Variants in PPARGC1A observed in about 807,000 individuals in gnomAD.
The protein encoded by PPARGC1A is PPARG coactivator 1 alpha.
PPARGC1A carries 25 observed loss-of-function variants against 88.7 expected under a neutral mutation model. The ratio of observed to expected loss-of-function variants is 0.28; its 90% CI spans 0.21 to 0.39. The LOEUF (loss-of-function observed/expected upper bound fraction) is 0.39, where lower values mean the gene tolerates loss of function less well. PPARGC1A is among the 10% of genes least tolerant of loss of function. PPARGC1A has a pLI of 1.00. For missense variants in PPARGC1A, 880 were observed against 968.7 expected (o/e 0.91, Z 1.22); for synonymous variants, 363 against 355.6 (o/e 1.02, Z -0.24).
chr4:24,226,917 C>T, the PPARGC1A span, among the ~76,000 whole-genome samples: 1 of 152,122 alleles, frequency 6.6e-6, no homozygotes, highest in Non-Finnish European at 1.5e-5. Context: ...GGTCACTCTC[C>T]CACACCCCCT....
the PPARGC1A span, among the ~76,000 whole-genome samples, chr4:24,136,233 G>T: frequency 6.6e-6 from 1 of 152,152 alleles, no homozygotes; most frequent in African/African-American, 2.4e-5. Flanking sequence ...GTCAATGAGG[G>T]TTTATTCTGT....
the PPARGC1A span, among the ~76,000 whole-genome samples, chr4:24,181,456 A>C: frequency 6.6e-6 from 1 of 152,182 alleles, no homozygotes; most frequent in Non-Finnish European, 1.5e-5. Context: ...TCTTAGAACA[A>C]AAACTCACAC....
the PPARGC1A span, among the ~76,000 whole-genome samples, chr4:24,090,382 A>G: frequency 2.6e-5 from 4 of 152,188 alleles, no homozygotes; most frequent in East Asian, 3.9e-4. Context: ...CTTACTTAAC[A>G]TCACATTGCA....
chr4:24,150,228 C>T, the PPARGC1A span, among the ~76,000 whole-genome samples: 7 of 152,074 alleles, frequency 4.6e-5, no homozygotes, highest in Admixed American at 1.3e-4. Flanking sequence ...GGTGTACTAG[C>T]GAACTATTGA....
the PPARGC1A span, among the ~76,000 whole-genome samples, chr4:23,995,581 C>T: frequency 6.6e-6 from 1 of 152,068 alleles, no homozygotes; most frequent in African/African-American, 2.4e-5. Context: ...ACTGCGTGTA[C>T]CTCCTCTCAC....
chr4:23,873,545 G>A (rs1012976113), intron 2 of PPARGC1A, among the ~76,000 whole-genome samples: 3 of 152,138 alleles, frequency 2.0e-5, no homozygotes, highest in African/African-American at 4.8e-5. Context: ...CGTAGCTACC[G>A]GCAAGCACAT....
At chr4:23,823,219 T>C (rs1397785793) in intron 7 of PPARGC1A, among the ~76,000 whole-genome samples, 2 of 151,936 alleles carry the variant, frequency 1.3e-5, no homozygotes, top group Admixed American at 6.6e-5. Context: ...TATAAAAATC[T>C]AGAAGAATTC....
the PPARGC1A span, among the ~76,000 whole-genome samples, chr4:24,095,878 A>G: frequency 6.6e-6 from 1 of 152,192 alleles, no homozygotes; most frequent in Admixed American, 6.5e-5. Context: ...AATCACATTC[A>G]CAAGGGAGAA....
rs2279525 is a variant in PPARGC1A at position 23,792,629 on chromosome 4, T to G, written c.*3193A>C. The G allele has an allele frequency of 1.3e-5, 2 of 152,156 alleles. No homozygotes were observed. The highest frequency in any genetic ancestry group is 6.6e-5 in the Admixed American group (1 of 15,190). 9.4% of individuals were successfully genotyped at this position (152,156 alleles called of 1,614,324 possible). A position where few individuals can be genotyped will look rare whatever the true frequency, so the allele number is the denominator to read the frequency against. ...TTTTAAAAAAGAAAAAAATCCACAT[T>G]ACTAAAGCACCAGTTCGGTTACCAA... On this transcript the variant is annotated 3_prime_UTR_variant, in exon 13 of 13. Transcript: ENST00000264867.
chr4:24,364,851 AT>A, the PPARGC1A span, among the ~76,000 whole-genome samples: 1 of 152,208 alleles, frequency 6.6e-6, no homozygotes, highest in Admixed American at 6.5e-5. Flanking sequence ...TAAGCTCTCA[AT>A]AAATGATAGC....
At chr4:24,145,544 T>C in the PPARGC1A span, among the ~76,000 whole-genome samples, 2 of 152,232 alleles carry the variant, frequency 1.3e-5, no homozygotes, top group Admixed American at 6.5e-5. Context: ...CTGAAAGGCT[T>C]TGTGACCAGA....
chr4:23,904,272 G>A (rs887009537), upstream of PPARGC1A, among the ~76,000 whole-genome samples: 11 of 152,190 alleles, frequency 7.2e-5, no homozygotes, highest in South Asian at 2.1e-4. Flanking sequence ...CCTGTGTCTC[G>A]AGGGAGCTCT....
upstream of PPARGC1A, among the ~76,000 whole-genome samples, chr4:23,892,431 T>C (rs1030423354): frequency 5.4e-5 from 3 of 55,140 alleles, no homozygotes; most frequent in African/African-American, 2.3e-4. Context: ...ATTAGAGTGC[T>C]TTCCACGATA....
At chr4:24,041,952 T>C in the PPARGC1A span, among the ~76,000 whole-genome samples, 1 of 152,008 alleles carries the variant, frequency 6.6e-6, no homozygotes, top group African/African-American at 2.4e-5. Context: ...CTCTGAATAA[T>C]CAACCTAAAA....
At chr4:24,452,949 T>A in the PPARGC1A span, among the ~76,000 whole-genome samples, 3 of 152,302 alleles carry the variant, frequency 2.0e-5, no homozygotes, top group East Asian at 5.8e-4. Context: ...CATGTTGAAG[T>A]CTTAACACCC....
the PPARGC1A span, among the ~76,000 whole-genome samples, chr4:24,134,902 A>G: frequency 6.6e-5 from 10 of 152,180 alleles, no homozygotes; most frequent in Admixed American, 3.9e-4. Flanking sequence ...GTGGACAAAG[A>G]AAAATGTAAT....
At chr4:24,085,170 T>TA in the PPARGC1A span, among the ~76,000 whole-genome samples, 1 of 151,216 alleles carries the variant, frequency 6.6e-6, no homozygotes, top group African/African-American at 2.4e-5. Context: ...ACCTACTTAT[T>TA]TTTTTTTTCC....
intron 2 of PPARGC1A, among the ~76,000 whole-genome samples, chr4:23,874,406 T>C (rs1714252496): frequency 6.6e-6 from 1 of 152,212 alleles, no homozygotes; most frequent in Non-Finnish European, 1.5e-5. Flanking sequence ...TACATTTTGG[T>C]CTGCATGGCA....
chr4:24,460,898 C>T, the PPARGC1A span, among the ~76,000 whole-genome samples: 4 of 152,194 alleles, frequency 2.6e-5, no homozygotes, highest in Non-Finnish European at 5.9e-5. Flanking sequence ...ACTAATTAAA[C>T]TGTTCTTCTG....
Sources: allele counts gnomAD v4.1 joint callset (sites outside exome capture counted in the v4.1 genomes callset), GRCh38; gene constraint gnomAD v4.1.1; transcripts MANE v1.5; gene names NCBI Gene and HGNC (gene_info 2026-07-23, HGNC 2026-07-21).